CTNNBIP1: variants seen among roughly 807,000 people sequenced by gnomAD.
The protein encoded by CTNNBIP1 is beta-catenin-interacting protein 1.
Under a neutral mutation model 11.8 loss-of-function variants are expected in CTNNBIP1, and 7 were observed. The observed-to-expected ratio is 0.60, with a 90% CI of 0.34 to 1.12. The LOEUF is 1.12. Among genes scored for constraint, CTNNBIP1 ranks in the 50% most tolerant of loss-of-function variants. The pLI, the probability that CTNNBIP1 is intolerant of heterozygous loss-of-function variation, is 0.03. For synonymous variants in CTNNBIP1, 58 were observed against 43.9 expected (o/e 1.32, Z -1.26); for missense variants, 101 against 113.4 (o/e 0.89, Z 0.50).
intron 5 of CTNNBIP1, among the ~76,000 whole-genome samples, chr1:9,868,580 G>A (rs781074767): frequency 2.6e-5 from 4 of 152,314 alleles, no homozygotes; most frequent in South Asian, 4.1e-4. Flanking sequence ...AAAAATGTGT[G>A]ACTTGGAAAG....
chr1:9,853,416 C>T (rs1638432124), intron 5 of CTNNBIP1, among the ~76,000 whole-genome samples: 1 of 152,172 alleles, frequency 6.6e-6, no homozygotes, highest in African/African-American at 2.4e-5. Context: ...AAATTTGGGC[C>T]AGTTACCGAA....
intron 1 of CTNNBIP1, among the ~76,000 whole-genome samples, chr1:9,901,083 AC>A (rs748643591): frequency 1.3e-5 from 2 of 152,086 alleles, no homozygotes; most frequent in Non-Finnish European, 2.9e-5. Flanking sequence ...TTTAAATCAT[AC>A]CCCAGGCCCC....
Position 9,851,735 on chromosome 1 carries a change from T to C in CTNNBIP1, c.188-959A>G, listed in dbSNP as rs1638392011. Among the ~76,000 whole-genome samples the C allele has an allele frequency of 1.3e-5, 2 of 152,152 alleles. No homozygotes were observed. Among genetic ancestry groups the C allele is most frequent in the African/African-American group, 4.8e-5 (2 of 41,436 alleles). ...CCAGGCACTTGTGAAATCACGTCCTTTGTCTTGTTTTCCAGAGGACAGGCT... is the reference window on the plus strand; with the variant it reads ...CCAGGCACTTGTGAAATCACGTCCTCTGTCTTGTTTTCCAGAGGACAGGCT... On this transcript the variant is annotated intron_variant, in intron 5 of 5. Transcript: ENST00000377263. The surrounding 1 kb of genome is among the most constrained non-coding windows in gnomAD (Gnocchi z 4.8).
At chr1:9,894,169 G>A (rs1180580028) in intron 1 of CTNNBIP1, among the ~76,000 whole-genome samples, 1 of 152,070 alleles carries the variant, frequency 6.6e-6, no homozygotes, top group African/African-American at 2.4e-5. Flanking sequence ...TTCACATTTT[G>A]CTATATATGT....
At chr1:9,896,384 C>T (rs916240979) in intron 1 of CTNNBIP1, among the ~76,000 whole-genome samples, 1 of 152,090 alleles carries the variant, frequency 6.6e-6, no homozygotes, top group Non-Finnish European at 1.5e-5. Flanking sequence ...GAAAACAGTG[C>T]GAGAAGAAAA....
chr1:9,883,113 G>A lies in CTNNBIP1; in HGVS notation c.-110+592C>T, dbSNP rs374461846. On this transcript the variant is annotated intron_variant, in intron 2 of 5. Transcript: ENST00000377263. This position sits in a 1 kb window ranked among gnomAD's most constrained non-coding sequence, Gnocchi z 5.6. ...CAGCGGGTGCCTGGGTGGCAGCAGC[G>A]GGACGGCGCAGGAGGGTAGGTCAGG... 2.6e-5 allele frequency among the ~76,000 whole-genome samples: 4 copies of A among 152,100 alleles called. No individual in the cohort carries two copies. Among genetic ancestry groups the A allele is most frequent in the Non-Finnish European group, 5.9e-5 (4 of 68,014 alleles).
At chr1:9,902,658 G>A (rs766174702) in intron 1 of CTNNBIP1, among the ~76,000 whole-genome samples, 3 of 152,176 alleles carry the variant, frequency 2.0e-5, no homozygotes, top group Non-Finnish European at 4.4e-5. Context: ...CTCCTCCTAA[G>A]AGTTCAAAGC....
intron 5 of CTNNBIP1, among the ~76,000 whole-genome samples, chr1:9,860,541 C>T (rs778899851): frequency 7.3e-6 from 1 of 137,414 alleles, no homozygotes; most frequent in Non-Finnish European, 1.6e-5. Context: ...ACCTGGGAGG[C>T]GGAGGTTGCA....
rs1323728875 is a variant in CTNNBIP1, at chr1:9,859,063, A to G, written c.188-8287T>C. Among the ~76,000 whole-genome samples the G allele has an allele frequency of 4.6e-5, 7 of 152,096 alleles. No homozygotes were observed. In the East Asian group the frequency reaches 1.4e-3, roughly 29 times the overall value. ...AGGGACACCTTGGAGATAATTCAACATGGAACCCAGAGTGCCAACCTGGGA... is the reference window on the plus strand; with the variant it reads ...AGGGACACCTTGGAGATAATTCAACGTGGAACCCAGAGTGCCAACCTGGGA... On this transcript the variant is annotated intron_variant, in intron 5 of 5. Coordinates refer to ENST00000377263, the MANE Select transcript of CTNNBIP1 (RefSeq NM_020248.3).
Position 9,871,174 on chromosome 1 carries a change from G to A in CTNNBIP1, c.187+13C>T. On this transcript the variant is annotated intron_variant, in intron 5 of 5. Transcript: ENST00000377263. This position sits in a 1 kb window ranked among gnomAD's most constrained non-coding sequence, Gnocchi z 5.2. The stretch of plus-strand genomic sequence containing the variant: ...CTTGTGCCACTGCCCCAGCCCCTCT[G>A]CCGCCAACTCACCCTGGTCGATGGA... 6.4e-7 allele frequency: 1 copy of A among 1,555,634 alleles called. No homozygotes were observed. The highest frequency in any genetic ancestry group is 8.7e-7 in the Non-Finnish European group (1 of 1,150,162).
chr1:9,889,312 A>G (rs1394894020), intron 1 of CTNNBIP1, among the ~76,000 whole-genome samples: 2 of 152,204 alleles, frequency 1.3e-5, no homozygotes, highest in Non-Finnish European at 2.9e-5. Flanking sequence ...AAATGTGGCA[A>G]TATCTAGAGA....
At chr1:9,856,861 C>T (rs558068171) in intron 5 of CTNNBIP1, among the ~76,000 whole-genome samples, 3 of 152,050 alleles carry the variant, frequency 2.0e-5, no homozygotes, top group Admixed American at 6.5e-5. Flanking sequence ...CAGTGGCTCA[C>T]GCCTGTAATT....
At chr1:9,891,777 T>G (rs544607954) in intron 1 of CTNNBIP1, among the ~76,000 whole-genome samples, 1 of 147,510 alleles carries the variant, frequency 6.8e-6, no homozygotes, top group Admixed American at 7.1e-5. Flanking sequence ...CCCCATCTCT[T>G]TAAATTTTTT....
intron 1 of CTNNBIP1, among the ~76,000 whole-genome samples, chr1:9,885,679 C>T (rs1363649174): frequency 5.3e-5 from 8 of 151,732 alleles, no homozygotes; most frequent in Admixed American, 1.3e-4. Flanking sequence ...TGCGGTGGCT[C>T]AGACCTGTAA....
chr1:9,873,517 T>C (rs576037539), intron 3 of CTNNBIP1, among the ~76,000 whole-genome samples: 1 of 151,700 alleles, frequency 6.6e-6, no homozygotes, highest in South Asian at 2.1e-4. Context: ...CCATTCTCAC[T>C]TCCTTCCACT....
At position 9,882,192 on chromosome 1, in the gene CTNNBIP1, G is replaced by A. The variant is rs575299857; in HGVS notation, c.-110+1513C>T. Among the ~76,000 whole-genome samples the A allele has an allele frequency of 8.3e-4, 126 of 152,266 alleles. 1 individual carries two copies. In the Middle Eastern group the frequency reaches 0.01, roughly 12 times the overall value. On this transcript the variant is annotated intron_variant, in intron 2 of 5. Transcript: ENST00000377263. ...GGAGCTGGGCCTTGAAGGATGAACA[G>A]GAGTTTGCTGGTAGAGAGAAAGGGG...
chr1:9,859,688 A>G (rs1638582303), intron 5 of CTNNBIP1, among the ~76,000 whole-genome samples: 1 of 152,220 alleles, frequency 6.6e-6, no homozygotes, highest in African/African-American at 2.4e-5. Context: ...TAGCTGGGTC[A>G]GCAATAGTGG....
At chr1:9,899,115 G>A (rs1639469756) in intron 1 of CTNNBIP1, among the ~76,000 whole-genome samples, 6 of 152,160 alleles carry the variant, frequency 3.9e-5, no homozygotes, top group Admixed American at 3.9e-4. Context: ...TGGGGAACCT[G>A]AGGATATGGA....
chr1:9,869,137 C>T (rs980557279), intron 5 of CTNNBIP1, among the ~76,000 whole-genome samples: 1 of 151,362 alleles, frequency 6.6e-6, no homozygotes, highest in Non-Finnish European at 1.5e-5. Flanking sequence ...GTAGCTAGGA[C>T]TACAGACGTG....
Sources: gnomAD v4.1 joint callset for allele counts (sites outside exome capture counted in the v4.1 genomes callset) on GRCh38, gnomAD v4.1.1 for gene constraint, Gnocchi (gnomAD v3.1) non-coding constraint, MANE v1.5 for transcripts, NCBI Gene and HGNC (gene_info 2026-07-23, HGNC 2026-07-21) for gene names.